PHF14: variants seen among roughly 807,000 people sequenced by gnomAD.
The protein encoded by PHF14 is PHD finger protein 14.
A neutral mutation model predicts 117.9 loss-of-function variants in PHF14; 55 were observed. That is an observed-to-expected ratio of 0.47 (90% CI 0.38 to 0.58). PHF14 has a LOEUF of 0.58. Among genes scored for constraint, PHF14 ranks in the 20% least tolerant of loss-of-function variants. The pLI is 0.00. For missense variants in PHF14, 978 were observed against 1,122.2 expected (o/e 0.87, Z 1.84); for synonymous variants, 409 against 368.6 (o/e 1.11, Z -1.26).
intron 4 of PHF14, among the ~76,000 whole-genome samples, chr7:10,991,483 T>C (rs556054091): frequency 6.6e-5 from 10 of 152,080 alleles, no homozygotes; most frequent in Admixed American, 2.6e-4. Flanking sequence ...CCAATTTTTG[T>C]GTTCTTAGTA....
chr7:11,054,865 T>C (rs549407607), intron 14 of PHF14, among the ~76,000 whole-genome samples: 2 of 152,254 alleles, frequency 1.3e-5, no homozygotes, highest in South Asian at 2.1e-4. Flanking sequence ...TGTCAGTTTT[T>C]CATTTTTCCT....
At chr7:11,091,621 G>A (rs1446975647) in intron 16 of PHF14, among the ~76,000 whole-genome samples, 1 of 152,024 alleles carries the variant, frequency 6.6e-6, no homozygotes, top group African/African-American at 2.4e-5. Flanking sequence ...CGAGTGTGGT[G>A]GTGGTGCATG....
chr7:11,101,384 A>G lies in PHF14; in HGVS notation c.2655-9966A>G, dbSNP rs139747238. 1.3e-3 allele frequency among the ~76,000 whole-genome samples: 191 copies of G among 152,004 alleles called. 3 individuals carry two copies. Among genetic ancestry groups the G allele is most frequent in the African/African-American group, 4.3e-3 (180 of 41,542 alleles). ...GCTTCCTCTTGCATTATACTTTTCC[A>G]GTAGTAAACTACAGACAAAGTAGTT... On this transcript the variant is annotated intron_variant, in intron 16 of 17. Transcript: ENST00000634607.
At chr7:11,029,754 A>G (rs987169073) in intron 7 of PHF14, among the ~76,000 whole-genome samples, 1 of 152,168 alleles carries the variant, frequency 6.6e-6, no homozygotes, top group Non-Finnish European at 1.5e-5. Flanking sequence ...GAGCAGGTTC[A>G]GTTCATTCCT....
chr7:11,156,313 A>T (rs1583509333), intron 17 of PHF14, among the ~76,000 whole-genome samples: 1 of 152,136 alleles, frequency 6.6e-6, no homozygotes, highest in Non-Finnish European at 1.5e-5. Context: ...TCTTGAAGCA[A>T]ATTCAATTTC....
At chr7:11,118,011 G>C (rs1787648478) in intron 17 of PHF14, among the ~76,000 whole-genome samples, 1 of 151,758 alleles carries the variant, frequency 6.6e-6, no homozygotes, top group South Asian at 2.1e-4. Flanking sequence ...CCACTCAGCT[G>C]TCTAAATTCA....
Position 11,129,970 on chromosome 7 carries a change from A to G in PHF14, c.2772+18503A>G, listed in dbSNP as rs150781170. ...TATAAAGGCTAGTAGGATTTGACAG[A>G]AGTATTAATTAGGATATGCTAAGTT... On this transcript the variant is annotated intron_variant, in intron 17 of 17. Transcript: ENST00000634607. Among the ~76,000 whole-genome samples, 1,178 of 152,160 alleles carry G rather than the reference A, an allele frequency of 7.7e-3. 11 individuals carry two copies. The highest frequency in any genetic ancestry group is 0.025 in the African/African-American group (1,033 of 41,528).
At chr7:11,044,127 A>G (rs1784587015) in intron 13 of PHF14, among the ~76,000 whole-genome samples, 1 of 152,122 alleles carries the variant, frequency 6.6e-6, no homozygotes. Flanking sequence ...GGTGGAAGCT[A>G]AACACTGGAT....
At chr7:11,028,956 C>A in intron 7 of PHF14, 138 bp downstream of exon 7, 1 of 699,920 alleles carries the variant, frequency 1.4e-6, no homozygotes, top group Non-Finnish European at 2.2e-6. Flanking sequence ...TGTTCTAAAA[C>A]TTTAAGAGTA....
At chr7:11,063,882 T>C (rs907461252) in intron 16 of PHF14, among the ~76,000 whole-genome samples, 2 of 151,926 alleles carry the variant, frequency 1.3e-5, no homozygotes, top group Non-Finnish European at 2.9e-5. Context: ...AATTGCATTA[T>C]TACAATATGC....
chr7:11,017,201 C>T (rs889037124), intron 5 of PHF14, among the ~76,000 whole-genome samples: 5 of 151,096 alleles, frequency 3.3e-5, no homozygotes, highest in South Asian at 2.1e-4. Context: ...AACAGTGCTG[C>T]GACAAATATA....
Position 11,040,721 on chromosome 7 carries a change from G to T in PHF14, c.2126G>T (p.Ser709Ile). Residue 709 changes from serine (S) to isoleucine (I), a missense_variant, in exon 12 of 18, where the codon AGT becomes ATT. Coordinates refer to ENST00000634607, the MANE Select transcript of PHF14 (RefSeq NM_001007157.2). ...CGAGCACCCAAGGAGAGAAAACCAA[G>T]TAAAAAAGAAGGAGGCACACAAAAG... Reference protein sequence around the residue: ...ILRAPKERKPSKKEGGTQKTS... With the variant: ...ILRAPKERKPIKKEGGTQKTS... 1 of 1,570,274 alleles carries T rather than the reference G, an allele frequency of 6.4e-7. No individual in the cohort carries two copies. The highest frequency in any genetic ancestry group is 8.6e-7 in the Non-Finnish European group (1 of 1,156,744).
intron 17 of PHF14, among the ~76,000 whole-genome samples, chr7:11,136,072 C>T (rs1216967822): frequency 6.6e-6 from 1 of 152,076 alleles, no homozygotes; most frequent in Non-Finnish European, 1.5e-5. Flanking sequence ...ATAGTTTACA[C>T]TTCTGTCATC....
chr7:11,086,189 A>G (rs1400071251), intron 16 of PHF14, among the ~76,000 whole-genome samples: 1 of 152,172 alleles, frequency 6.6e-6, no homozygotes, highest in Non-Finnish European at 1.5e-5. Context: ...TTACTAAAAC[A>G]TGAATTTGTT....
At chr7:10,985,630 C>T (rs573356532) in intron 3 of PHF14, among the ~76,000 whole-genome samples, 12 of 118,184 alleles carry the variant, frequency 1.0e-4, no homozygotes, top group African/African-American at 3.4e-4. Flanking sequence ...AGCAGTGATT[C>T]TCAAACTGTT....
At position 11,062,712 on chromosome 7, in the gene PHF14, G is replaced by A. The variant is rs796237256; in HGVS notation, c.2654+627G>A. 22 of 985,162 alleles carry A rather than the reference G, an allele frequency of 2.2e-5. No homozygotes were observed. The African/African-American group carries it at 3.3e-4, about 15-fold the overall frequency. 61.0% of individuals were successfully genotyped at this position (985,162 alleles called of 1,614,324 possible). A position where few individuals can be genotyped will look rare whatever the true frequency, so the allele number is the denominator to read the frequency against. Reference sequence around the variant, plus strand: ...AAATCTTAGCTGATGCTGCACATTGGCTTTTCCCAACGGTCCAGAGGCTGC... The same window carrying A: ...AAATCTTAGCTGATGCTGCACATTGACTTTTCCCAACGGTCCAGAGGCTGC... On this transcript the variant is annotated intron_variant, in intron 16 of 17. Transcript: ENST00000634607.
intron 3 of PHF14, among the ~76,000 whole-genome samples, chr7:10,987,754 A>G (rs1782273411): frequency 6.6e-6 from 1 of 152,160 alleles, no homozygotes; most frequent in African/African-American, 2.4e-5. Context: ...TGAAACCTTG[A>G]AAGATGATAT....
chr7:11,072,650 TATAAC>T (rs1785657148), intron 16 of PHF14, among the ~76,000 whole-genome samples: 1 of 152,130 alleles, frequency 6.6e-6, no homozygotes. Flanking sequence ...GCAACTCTGA[TATAAC>T]ATATATAGTG....
chr7:10,988,554 T>TTTC, intron 3 of PHF14, among the ~76,000 whole-genome samples: 1 of 151,086 alleles, frequency 6.6e-6, no homozygotes, highest in South Asian at 2.1e-4. Context: ...TTTTTTTTTT[T>TTTC]AACCTAGATG....
Sources: gnomAD v4.1 joint callset for allele counts (sites outside exome capture counted in the v4.1 genomes callset) on GRCh38, gnomAD v4.1.1 for gene constraint, MANE v1.5 for transcripts, NCBI Gene and HGNC (gene_info 2026-07-23, HGNC 2026-07-21) for gene names.